The following FUCA2 variants were observed in gnomAD, a reference collection of about 807,000 sequenced individuals.
The protein encoded by FUCA2 is plasma alpha-L-fucosidase.
FUCA2 carries 41 observed loss-of-function variants against 52.6 expected under a neutral mutation model. The observed-to-expected ratio is 0.78, with a 90% CI of 0.61 to 1.01. FUCA2 has a LOEUF of 1.01. FUCA2 is among the 50% of genes least tolerant of loss of function. FUCA2 has a pLI of 0.00. For missense variants in FUCA2, 507 were observed against 569.5 expected (o/e 0.89, Z 1.12); for synonymous variants, 211 against 217.3 (o/e 0.97, Z 0.26).
chr6:143,504,329 A>C lies in FUCA2; in HGVS notation c.413-77T>G. On this transcript the variant is annotated intron_variant, in intron 2 of 6. Transcript: ENST00000002165. This position sits in a 1 kb window ranked among gnomAD's most constrained non-coding sequence, Gnocchi z 4.4. ...AATTTCAACCCACACAAATGCCCAA[A>C]CAAATCACATAGTACATGCGATATA... is the stretch of plus-strand genomic sequence containing the variant. 1 of 1,225,222 alleles carries C rather than the reference A, an allele frequency of 8.2e-7. No individual in the cohort carries two copies. Among genetic ancestry groups the C allele is most frequent in the Non-Finnish European group, 1.2e-6 (1 of 864,750 alleles). The allele number at this position is 1,225,222 out of a possible 1,614,324, so 75.9% of individuals were successfully genotyped here.
intron 2 of FUCA2, chr6:143,505,347 C>T (rs1780589229): frequency 8.0e-6 from 1 of 124,874 alleles, no homozygotes; most frequent in African/African-American, 3.3e-5. Context: ...CAGGTTCTGG[C>T]TCTGTCACCC....
rs767233296 is a variant in FUCA2 at position 143,495,838 on chromosome 6, G to A, written c.1273C>T (p.Leu425=). 6.2e-7 allele frequency: 1 copy of A among 1,613,774 alleles called. No homozygotes were observed. Among genetic ancestry groups the A allele is most frequent in the South Asian group, 1.1e-5 (1 of 91,058 alleles). The part of the protein sequence containing the change: ...AILGATEVKL[L]GHGQPLNWIS... ...CAGTTAAGTGGCTGTCCATGGCCCA[G>A]TAGTTTCACCTGAAATTAAAAACAT... The change falls in exon 7 of 7, where the codon CTG becomes TTG. Residue 425 remains leucine, a synonymous_variant. Coordinates refer to ENST00000002165, the MANE Select transcript of FUCA2 (RefSeq NM_032020.5). This position sits in a 1 kb window ranked among gnomAD's most constrained non-coding sequence, Gnocchi z 5.2.
In FUCA2 at chr6:143,500,712, G is replaced by A. The variant is rs1780517149; in HGVS notation, c.1154+1220C>T. Reference sequence around the variant, plus strand: ...AGCGGACAAGACCCCTAGAAGACAGGAGGTGCAGGTAATTAGAACTGTGAA... The same window carrying A: ...AGCGGACAAGACCCCTAGAAGACAGAAGGTGCAGGTAATTAGAACTGTGAA... On this transcript the variant is annotated intron_variant, in intron 5 of 6. Transcript: ENST00000002165. The surrounding 1 kb of genome is among the most constrained non-coding windows in gnomAD (Gnocchi z 6.9). Among the ~76,000 whole-genome samples, 1 of 152,302 alleles carries A rather than the reference G, an allele frequency of 6.6e-6. No homozygotes were observed. Among genetic ancestry groups the A allele is most frequent in the African/African-American group, 2.4e-5 (1 of 41,564 alleles).
Position 143,503,744 on chromosome 6 carries a change from T to C in FUCA2, c.752+169A>G, listed in dbSNP as rs186965994. 1.8e-6 allele frequency: 1 copy of C among 553,912 alleles called. No individual in the cohort carries two copies. Among genetic ancestry groups the C allele is most frequent in the East Asian group, 3.0e-5 (1 of 33,722 alleles). 34.3% of individuals were successfully genotyped at this position (553,912 alleles called of 1,614,324 possible). A position where few individuals can be genotyped will look rare whatever the true frequency, so the allele number is the denominator to read the frequency against. ...TTACTCCTGATTTATTTACCCTTGA[T>C]TATGTTGAGTAAATAGTGATATATC... On this transcript the variant is annotated intron_variant, in intron 3 of 6. Transcript: ENST00000002165. The surrounding 1 kb of genome is among the most constrained non-coding windows in gnomAD (Gnocchi z 4.8).
chr6:143,502,041 A>G lies in FUCA2; in HGVS notation c.1045T>C (p.Phe349Leu). 6.2e-7 allele frequency: 1 copy of G among 1,613,948 alleles called. No homozygotes were observed. The highest frequency in any genetic ancestry group is 8.5e-7 in the Non-Finnish European group (1 of 1,179,942). ...PTLDGTISVV[F>L]EERLRQMGSW... ...CCCATTTGCCTCAGTCGCTCCTCAA[A>G]AACTACAGAAATGGTGCCATCTAGT... The change falls in exon 5 of 7, where the codon TTT becomes CTT. Residue 349 changes from phenylalanine (F) to leucine (L), a missense_variant. By Grantham distance (22) the Phe-to-Leu change is conservative. Coordinates refer to ENST00000002165, the MANE Select transcript of FUCA2 (RefSeq NM_032020.5). This position sits in a 1 kb window ranked among gnomAD's most constrained non-coding sequence, Gnocchi z 4.1.
chr6:143,504,247 T>C lies in FUCA2; in HGVS notation c.418A>G (p.Thr140Ala). The change falls in exon 3 of 7, where the codon ACC becomes GCC. Residue 140 changes from threonine (T) to alanine (A), a missense_variant. Coordinates refer to ENST00000002165, the MANE Select transcript of FUCA2 (RefSeq NM_032020.5). This position sits in a 1 kb window ranked among gnomAD's most constrained non-coding sequence, Gnocchi z 4.4. ...CACGAATATTCTGACCCCCACAAGGTAAAGCCTAGAAAATTATAGTGAAAA... is the reference window on the plus strand; with the variant it reads ...CACGAATATTCTGACCCCCACAAGGCAAAGCCTAGAAAATTATAGTGAAAA... Reference protein sequence around the residue: ...VLTSKHHEGFTLWGSEYSWNW... With the variant: ...VLTSKHHEGFALWGSEYSWNW... 1 of 1,607,508 alleles carries C rather than the reference T, an allele frequency of 6.2e-7. No individual in the cohort carries two copies. The highest frequency in any genetic ancestry group is 8.5e-7 in the Non-Finnish European group (1 of 1,177,500).
At position 143,497,608 on chromosome 6, in the gene FUCA2, C is replaced by T. The variant is rs916631203; in HGVS notation, c.1155-111G>A. The stretch of plus-strand genomic sequence containing the variant: ...TATTTTACAGATACTTCCACAATGT[C>T]ACCACTAATAGAAGGGAAGGAAAAA... On this transcript the variant is annotated intron_variant, in intron 5 of 6. Transcript: ENST00000002165. The surrounding 1 kb of genome is among the most constrained non-coding windows in gnomAD (Gnocchi z 5.3). 6.6e-6 allele frequency: 4 copies of T among 603,292 alleles called. No homozygotes were observed. The highest frequency in any genetic ancestry group is 5.6e-5 in the African/African-American group (3 of 53,414). The allele number at this position is 603,292 out of a possible 1,614,324, so 37.4% of individuals were successfully genotyped here. A position where few individuals can be genotyped will look rare whatever the true frequency, so the allele number is the denominator to read the frequency against.
chr6:143,511,569 C>A lies in FUCA2; in HGVS notation c.66G>T (p.Pro22=), dbSNP rs201450408. The A allele has an allele frequency of 1.5e-5, 23 of 1,563,998 alleles. No individual in the cohort carries two copies. Among genetic ancestry groups the A allele is most frequent in the Non-Finnish European group, 1.9e-5 (22 of 1,155,020 alleles). ...PLLLLLLLLL[P]PPPCPAHSAT... Reference sequence around the variant, plus strand: ...CGCTGTGGGCAGGGCACGGCGGCGGCGGCAGCAGCAGCAACAGCAACAGCA... The same window carrying A: ...CGCTGTGGGCAGGGCACGGCGGCGGAGGCAGCAGCAGCAACAGCAACAGCA... The change falls in exon 1 of 7, where the codon CCG becomes CCT. Residue 22 remains proline, a synonymous_variant. Transcript: ENST00000002165. This position sits in a 1 kb window ranked among gnomAD's most constrained non-coding sequence, Gnocchi z 6.3.
rs922778874 is a variant in FUCA2 at position 143,495,174 on chromosome 6, A to G, written c.*533T>C. On this transcript the variant is annotated 3_prime_UTR_variant, in exon 7 of 7. Coordinates refer to ENST00000002165, the MANE Select transcript of FUCA2 (RefSeq NM_032020.5). This position sits in a 1 kb window ranked among gnomAD's most constrained non-coding sequence, Gnocchi z 5.2. ...TCGATATACAAATACCACTGTTACT[A>G]TTGCCTACAGTATTCAGTAACATGC... 1 of 152,218 alleles carries G rather than the reference A, an allele frequency of 6.6e-6. No homozygotes were observed. Among genetic ancestry groups the G allele is most frequent in the South Asian group, 2.1e-4 (1 of 4,830 alleles). The allele number at this position is 152,218 out of a possible 1,614,324, so 9.4% of individuals were successfully genotyped here. A position where few individuals can be genotyped will look rare whatever the true frequency, so the allele number is the denominator to read the frequency against.
Position 143,510,638 on chromosome 6 carries a change from CA to C in FUCA2, c.224+772del, listed in dbSNP as rs57091762. ...TGGGTGACAGAATGAGACTATGTCTCAAAAAAAAAAAAAAAAGAATATATTA... is the reference window on the plus strand; with the variant it reads ...TGGGTGACAGAATGAGACTATGTCTCAAAAAAAAAAAAAAAGAATATATTA... On this transcript the variant is annotated intron_variant, in intron 1 of 6. Coordinates refer to ENST00000002165, the MANE Select transcript of FUCA2 (RefSeq NM_032020.5). The surrounding 1 kb of genome is among the most constrained non-coding windows in gnomAD (Gnocchi z 4.4). Among the ~76,000 whole-genome samples, 4,549 of 77,026 alleles carry C rather than the reference CA, an allele frequency of 0.059. 149 individuals are homozygous for C. Among genetic ancestry groups the C allele is most frequent in the African/African-American group, 0.16 (3,830 of 23,306 alleles). The allele number at this position is 77,026 out of a possible 152,430, so 50.5% of individuals were successfully genotyped here.
At position 143,511,524 on chromosome 6, in the gene FUCA2, G is replaced by T; in HGVS notation, c.111C>A (p.Thr37=). The T allele has an allele frequency of 6.3e-7, 1 of 1,590,900 alleles. No homozygotes were observed. Among genetic ancestry groups the T allele is most frequent in the East Asian group, 2.3e-5 (1 of 43,358 alleles). ...GCTGGCGGGCGTCCAGGGACTCCCA[G>T]GTGGGGTCGAAGCGCGTGGCGCTGT... ...PAHSATRFDP[T]WESLDARQLP... is the part of the protein sequence containing the mutation. The change falls in exon 1 of 7, where the codon ACC becomes ACA. Residue 37 remains threonine (T), a synonymous_variant. Transcript: ENST00000002165. This position sits in a 1 kb window ranked among gnomAD's most constrained non-coding sequence, Gnocchi z 6.3.
chr6:143,505,833 T>C (rs892522482), intron 2 of FUCA2: 1 of 152,190 alleles, frequency 6.6e-6, no homozygotes, highest in Non-Finnish European at 1.5e-5. Context: ...TTAGTATGCA[T>C]TTTCCATGAG....
rs2128421195 is a variant in FUCA2 at position 143,495,130 on chromosome 6, C to T, written c.*577G>A. On this transcript the variant is annotated 3_prime_UTR_variant, in exon 7 of 7. Transcript: ENST00000002165. This position sits in a 1 kb window ranked among gnomAD's most constrained non-coding sequence, Gnocchi z 5.2. ...TTTTACAGTATTTTTACTGTACCTT[C>T]TCTATGTTTCCATATGTTTCGATAT... is the stretch of plus-strand genomic sequence containing the variant. The T allele has an allele frequency of 6.6e-6, 1 of 152,350 alleles. No homozygotes were observed. The highest frequency in any genetic ancestry group is 2.1e-4 in the South Asian group (1 of 4,830). 9.4% of individuals were successfully genotyped at this position (152,350 alleles called of 1,614,324 possible). A position where few individuals can be genotyped will look rare whatever the true frequency, so the allele number is the denominator to read the frequency against.
chr6:143,505,244 C>G (rs774812282), intron 2 of FUCA2: 1 of 149,068 alleles, frequency 6.7e-6, no homozygotes, highest in East Asian at 2.0e-4. Context: ...TTATAAGGTA[C>G]ATTTGGTGAA....
intron 5 of FUCA2, among the ~76,000 whole-genome samples, chr6:143,498,491 A>G (rs1470775716): frequency 6.6e-6 from 1 of 152,198 alleles, no homozygotes; most frequent in African/African-American, 2.4e-5. Flanking sequence ...TGGGAGCGCC[A>G]TAAGAGCACC....
Position 143,497,354 on chromosome 6 carries a change from G to T in FUCA2, c.1263+35C>A. 2.3e-6 allele frequency: 3 copies of T among 1,299,690 alleles called. No individual in the cohort carries two copies. The highest frequency in any genetic ancestry group is 3.4e-6 in the Non-Finnish European group (3 of 893,630). 80.5% of individuals were successfully genotyped at this position (1,299,690 alleles called of 1,614,324 possible). ...TGTTTGCATCAAGATGTTCTAATCA[G>T]CAATTTAAAGGAATAAGGTAAAATT... is the stretch of plus-strand genomic sequence containing the variant. On this transcript the variant is annotated intron_variant, in intron 6 of 6. Transcript: ENST00000002165. This position sits in a 1 kb window ranked among gnomAD's most constrained non-coding sequence, Gnocchi z 5.3.
rs1206612679 is a variant in FUCA2 at position 143,511,176 on chromosome 6, T to C, written c.224+235A>G. The stretch of plus-strand genomic sequence containing the variant: ...AAGAAGCTGAGGAGTCAGGAGTATC[T>C]GAAAACTCTTACAGTCACACGGAAG... On this transcript the variant is annotated intron_variant, in intron 1 of 6. Coordinates refer to ENST00000002165, the MANE Select transcript of FUCA2 (RefSeq NM_032020.5). The surrounding 1 kb of genome is among the most constrained non-coding windows in gnomAD (Gnocchi z 6.3). Among the ~76,000 whole-genome samples, 1 of 152,174 alleles carries C rather than the reference T, an allele frequency of 6.6e-6. No individual in the cohort carries two copies. Among genetic ancestry groups the C allele is most frequent in the African/African-American group, 2.4e-5 (1 of 41,444 alleles).
chr6:143,507,460 C>T lies in FUCA2; in HGVS notation c.225-36G>A. On this transcript the variant is annotated intron_variant, in intron 1 of 6. Transcript: ENST00000002165. This position sits in a 1 kb window ranked among gnomAD's most constrained non-coding sequence, Gnocchi z 4.5. ...GAAAGGAAAGAGTGCATAAACAGCA[C>T]ATACACACATATTTAAAAGAACTGC... 1.4e-6 allele frequency: 2 copies of T among 1,421,514 alleles called. No homozygotes were observed. The highest frequency in any genetic ancestry group is 9.5e-7 in the Non-Finnish European group (1 of 1,054,922). 88.1% of individuals were successfully genotyped at this position (1,421,514 alleles called of 1,614,324 possible). A position where few individuals can be genotyped will look rare whatever the true frequency, so the allele number is the denominator to read the frequency against.
intron 6 of FUCA2, chr6:143,496,419 A>T (rs1780460991): frequency 6.6e-6 from 1 of 152,266 alleles, no homozygotes; most frequent in Non-Finnish European, 1.5e-5. Flanking sequence ...ATTGGCACCA[A>T]AAAGAACATA....
Sources: gnomAD v4.1 joint callset for allele counts (sites outside exome capture counted in the v4.1 genomes callset) on GRCh38, gnomAD v4.1.1 for gene constraint, Gnocchi (gnomAD v3.1) non-coding constraint, MANE v1.5 for transcripts, NCBI Gene and HGNC (gene_info 2026-07-23, HGNC 2026-07-21) for gene names.